The following LINGO1 variants were observed in gnomAD, a reference collection of about 807,000 sequenced individuals.
LINGO1 encodes the protein leucine-rich repeat and immunoglobulin-like domain-containing nogo receptor-interacting protein 1.
LINGO1 carries 11 observed loss-of-function variants against 37.3 expected under a neutral mutation model. The ratio of observed to expected loss-of-function variants is 0.29; its 90% CI spans 0.19 to 0.49. The LOEUF (loss-of-function observed/expected upper bound fraction) is 0.49, where lower values mean the gene tolerates loss of function less well. LINGO1 is among the 20% of genes least tolerant of loss of function. LINGO1 has a pLI of 0.99. For missense variants in LINGO1, 585 were observed against 878.2 expected, an observed-to-expected ratio of 0.67 and a Z score of 4.22; for synonymous variants, 387 against 403.0, an observed-to-expected ratio of 0.96 and a Z score of 0.48.
Position 77,615,284 on chromosome 15 carries a change from G to A in LINGO1, c.623C>T (p.Thr208Ile), listed in dbSNP as rs754651825. The change falls in exon 2 of 2, where the codon ACC becomes ATC. Residue 208 changes from threonine to isoleucine, a missense_variant. Around this residue, in one of 4 missense-constraint regions of LINGO1, gnomAD observed 484 missense variants for 735.0 expected, o/e 0.66. Transcript: ENST00000355300. Reference sequence around the variant, plus strand: ...GCCGTGCAGGTGGGACAGCGCCTCGGTGGGGATGGAGGTCAGGTTGCATTT... The same window carrying A: ...GCCGTGCAGGTGGGACAGCGCCTCGATGGGGATGGAGGTCAGGTTGCATTT... ...LEKCNLTSIP[T>I]EALSHLHGLI... 3.5e-5 allele frequency: 56 copies of A among 1,613,698 alleles called. No individual in the cohort carries two copies. Among genetic ancestry groups the A allele is most frequent in the Non-Finnish European group, 4.4e-5 (52 of 1,179,904 alleles).
intron 1 of LINGO1, among the ~76,000 whole-genome samples, chr15:77,817,385 G>A (rs577705392): frequency 6.6e-6 from 1 of 152,286 alleles, no homozygotes; most frequent in African/African-American, 2.4e-5. Flanking sequence ...AGGATGGAGA[G>A]GGTAGGAAGG....
At chr15:77,770,808 T>G (rs1285411651) in intron 1 of LINGO1, among the ~76,000 whole-genome samples, 2 of 152,122 alleles carry the variant, frequency 1.3e-5, no homozygotes, top group Admixed American at 6.5e-5. Context: ...AGAAGGGAAC[T>G]CCCAGCCTGG....
At chr15:77,781,057 C>T (rs960025870) in intron 1 of LINGO1, among the ~76,000 whole-genome samples, 1 of 152,248 alleles carries the variant, frequency 6.6e-6, no homozygotes, top group Non-Finnish European at 1.5e-5. Context: ...TTGGACACCG[C>T]AGACCTGGCC....
chr15:77,795,360 G>A (rs759203058), intron 2 of LINGO1, among the ~76,000 whole-genome samples: 5 of 152,110 alleles, frequency 3.3e-5, no homozygotes, highest in Non-Finnish European at 5.9e-5. Flanking sequence ...CCTGCTCCTC[G>A]TGATAAAGTC....
chr15:77,763,159 C>G (rs2141386906), intron 1 of LINGO1, among the ~76,000 whole-genome samples: 1 of 152,258 alleles, frequency 6.6e-6, no homozygotes, highest in African/African-American at 2.4e-5. Context: ...TCGGCGGGCA[C>G]AACAGTAATT....
intron 2 of LINGO1, among the ~76,000 whole-genome samples, chr15:77,689,359 G>A (rs2075564469): frequency 1.3e-5 from 2 of 152,176 alleles, no homozygotes; most frequent in Non-Finnish European, 1.5e-5. Flanking sequence ...GTCGAGGCTG[G>A]GACACAAGTT....
At chr15:77,816,010 G>A (rs1047958532) in intron 1 of LINGO1, among the ~76,000 whole-genome samples, 5 of 152,076 alleles carry the variant, frequency 3.3e-5, no homozygotes, top group Admixed American at 6.5e-5. Flanking sequence ...CCCCACTCAC[G>A]TTCGCATTCT....
intron 3 of LINGO1, among the ~76,000 whole-genome samples, chr15:77,675,292 A>G (rs887967255): frequency 1.3e-5 from 2 of 152,222 alleles, no homozygotes; most frequent in Non-Finnish European, 2.9e-5. Flanking sequence ...CATTCCCAAA[A>G]GAACTACAGC....
chr15:77,707,903 C>G (rs2075871759), intron 2 of LINGO1, among the ~76,000 whole-genome samples: 1 of 152,066 alleles, frequency 6.6e-6, no homozygotes, highest in South Asian at 2.1e-4. Context: ...TGGGTGACCA[C>G]GGGTCCCAGA....
In LINGO1 at chr15:77,613,832, G is replaced by C; in HGVS notation, c.*212C>G. On this transcript the variant is annotated 3_prime_UTR_variant, in exon 2 of 2. Transcript: ENST00000355300. The stretch of plus-strand genomic sequence containing the variant: ...AGTCTGTCAATGCCCCTGTGTAGGT[G>C]GGGTCCCCAGGTCTGGGCTTCTGAG... 1 of 586,224 alleles carries C rather than the reference G, an allele frequency of 1.7e-6. No homozygotes were observed. Among genetic ancestry groups the C allele is most frequent in the Non-Finnish European group, 3.0e-6 (1 of 330,316 alleles). The allele number at this position is 586,224 out of a possible 1,614,324, so 36.3% of individuals were successfully genotyped here. A position where few individuals can be genotyped will look rare whatever the true frequency, so the allele number is the denominator to read the frequency against.
intron 1 of LINGO1, among the ~76,000 whole-genome samples, chr15:77,624,163 CTG>C (rs56162459): frequency 0.68 from 89,128 of 131,248 alleles, 31,636 homozygotes; most frequent in Non-Finnish European, 0.8. Flanking sequence ...TGAGTGGCCT[CTG>C]TGTGTGTGTG....
intron 3 of LINGO1, among the ~76,000 whole-genome samples, chr15:77,658,824 A>G (rs2074924741): frequency 6.6e-6 from 1 of 150,612 alleles, no homozygotes; most frequent in Admixed American, 6.6e-5. Flanking sequence ...GGGGGGCAAC[A>G]GAGGAGCTAA....
chr15:77,650,474 CA>C (rs2074735774), intron 3 of LINGO1, among the ~76,000 whole-genome samples: 1 of 152,180 alleles, frequency 6.6e-6, no homozygotes, highest in South Asian at 2.1e-4. Flanking sequence ...GGGCATCCAG[CA>C]GGGGGCAGCC....
chr15:77,664,942 C>T (rs1267158357), intron 3 of LINGO1, among the ~76,000 whole-genome samples: 2 of 152,184 alleles, frequency 1.3e-5, no homozygotes, highest in East Asian at 1.9e-4. Flanking sequence ...CACAGCTGTA[C>T]ACATATGACA....
chr15:77,705,174 G>GACACACACACACACACAC (rs72451354), intron 2 of LINGO1, among the ~76,000 whole-genome samples: 3,169 of 98,966 alleles, frequency 0.032, 186 homozygotes, highest in Middle Eastern at 0.073. Context: ...CCCCTGCCAT[G>GACACACACACACACACAC]ACACACACAC....
intron 2 of LINGO1, among the ~76,000 whole-genome samples, chr15:77,726,867 G>C (rs1223608496): frequency 6.6e-6 from 1 of 152,210 alleles, no homozygotes; most frequent in Non-Finnish European, 1.5e-5. Flanking sequence ...TTAATATCTA[G>C]AATACATAAA....
intron 1 of LINGO1, among the ~76,000 whole-genome samples, chr15:77,740,692 G>C (rs539243725): frequency 2.0e-4 from 31 of 152,330 alleles, no homozygotes; most frequent in African/African-American, 7.2e-4. Context: ...GGAGGGGCAG[G>C]GTGGGGCTTT....
At position 77,765,059 on chromosome 15, in the gene LINGO1, A is replaced by C. The variant is rs60602435; in HGVS notation, c.-257+21810T>G. Among the ~76,000 whole-genome samples the C allele has an allele frequency of 8.4e-3, 1,285 of 152,270 alleles. 21 individuals are homozygous for C. Among genetic ancestry groups the C allele is most frequent in the African/African-American group, 0.03 (1,236 of 41,508 alleles). On this transcript the variant is annotated intron_variant, in intron 1 of 3. Transcript: ENST00000561686. ...CAAGGACCAAGAATGAAAGAAGAGGAAACAGCAACATGGTTTTGAAAGTTG... is the reference window on the plus strand; with the variant it reads ...CAAGGACCAAGAATGAAAGAAGAGGCAACAGCAACATGGTTTTGAAAGTTG...
At chr15:77,653,437 C>G (rs763579340) in intron 3 of LINGO1, among the ~76,000 whole-genome samples, 1 of 152,206 alleles carries the variant, frequency 6.6e-6, no homozygotes, top group Non-Finnish European at 1.5e-5. Flanking sequence ...GCCATCCAGA[C>G]TACCCCAGGC....
Sources: gnomAD v4.1 joint callset for allele counts (sites outside exome capture counted in the v4.1 genomes callset) on GRCh38, gnomAD v4.1.1 for gene constraint, gnomAD v4.1.1 regional missense constraint, MANE v1.5 for transcripts, NCBI Gene and HGNC (gene_info 2026-07-23, HGNC 2026-07-21) for gene names.